Variants in RHOJ observed in about 807,000 individuals in gnomAD.
RHOJ encodes the protein rho-related GTP-binding protein RhoJ.
A neutral mutation model predicts 23.4 loss-of-function variants in RHOJ; 11 were observed. That is an observed-to-expected ratio of 0.47 (90% CI 0.30 to 0.78). The LOEUF (loss-of-function observed/expected upper bound fraction) is 0.78, where lower values mean the gene tolerates loss of function less well. Ranked by LOEUF, RHOJ falls within the 30% of genes least tolerant of loss-of-function variation. The pLI is 0.08. For synonymous variants in RHOJ, 102 were observed against 102.7 expected, an observed-to-expected ratio of 0.99 and a Z score of 0.04; for missense variants, 254 against 273.4, an observed-to-expected ratio of 0.93 and a Z score of 0.50.
chr14:63,236,985 T>C (rs910440137), intron 1 of RHOJ, among the ~76,000 whole-genome samples: 7 of 152,210 alleles, frequency 4.6e-5, no homozygotes, highest in African/African-American at 1.7e-4. Context: ...ATAGTTGTTA[T>C]ACTGTATTGT....
At chr14:63,242,871 T>C (rs2139632923) in intron 1 of RHOJ, among the ~76,000 whole-genome samples, 1 of 152,320 alleles carries the variant, frequency 6.6e-6, no homozygotes, top group South Asian at 2.1e-4. Context: ...TTTTTTGCTA[T>C]GTGCAGTATT....
rs531741952 is a variant in RHOJ at position 63,250,844 on chromosome 14, G to A, written c.179-18266G>A. 1.2e-4 allele frequency among the ~76,000 whole-genome samples: 18 copies of A among 152,094 alleles called. No homozygotes were observed. The South Asian group carries it at 3.3e-3, about 28-fold the overall frequency. The stretch of plus-strand genomic sequence containing the variant: ...AGGTCAGGAGTTCCAGATCAGCCTC[G>A]CCAATATGGAGAAACCCCATCTCTA... On this transcript the variant is annotated intron_variant, in intron 1 of 4. Coordinates refer to ENST00000316754, the MANE Select transcript of RHOJ (RefSeq NM_020663.5).
At chr14:63,219,978 T>A (rs550064034) in intron 1 of RHOJ, among the ~76,000 whole-genome samples, 2 of 152,290 alleles carry the variant, frequency 1.3e-5, no homozygotes, top group African/African-American at 4.8e-5. Context: ...ACTATTTAAA[T>A]TTCATCTTTT....
At chr14:63,234,980 T>G (rs1043418140) in intron 1 of RHOJ, among the ~76,000 whole-genome samples, 1 of 152,164 alleles carries the variant, frequency 6.6e-6, no homozygotes, top group African/African-American at 2.4e-5. Flanking sequence ...TCAGAAACAT[T>G]GTGATCCCAA....
chr14:63,242,142 C>A (rs901392763), intron 1 of RHOJ, among the ~76,000 whole-genome samples: 3 of 152,074 alleles, frequency 2.0e-5, no homozygotes, highest in Non-Finnish European at 4.4e-5. Flanking sequence ...TCTGGAATAG[C>A]CTAAGTGTAG....
chr14:63,218,167 A>G (rs904478925), intron 1 of RHOJ, among the ~76,000 whole-genome samples: 1 of 152,172 alleles, frequency 6.6e-6, no homozygotes, highest in African/African-American at 2.4e-5. Flanking sequence ...ATTTCTTTAG[A>G]TCTAAGAATT....
chr14:63,275,973 C>T (rs973710147), intron 2 of RHOJ, among the ~76,000 whole-genome samples: 1 of 152,160 alleles, frequency 6.6e-6, no homozygotes, highest in Non-Finnish European at 1.5e-5. Context: ...ATAGCTGTAG[C>T]CCAGGGTTAG....
chr14:63,215,864 G>C (rs1202509114), intron 1 of RHOJ, among the ~76,000 whole-genome samples: 1 of 152,038 alleles, frequency 6.6e-6, no homozygotes, highest in Non-Finnish European at 1.5e-5. Flanking sequence ...TCCATACCTG[G>C]GAATGAGCCT....
intron 1 of RHOJ, among the ~76,000 whole-genome samples, chr14:63,260,333 C>T (rs769726584): frequency 1.3e-4 from 20 of 152,158 alleles, no homozygotes; most frequent in Non-Finnish European, 2.2e-4. Context: ...CTGCAGCAGA[C>T]CTATTTATCA....
At chr14:63,281,158 G>C in intron 3 of RHOJ, 23 bp downstream of exon 3, 6 of 1,581,740 alleles carry the variant, frequency 3.8e-6, no homozygotes, top group Non-Finnish European at 5.1e-6. Context: ...GCGATGGCAG[G>C]GTGGAGCGGG....
At chr14:63,218,923 T>C (rs1894423666) in intron 1 of RHOJ, among the ~76,000 whole-genome samples, 1 of 152,200 alleles carries the variant, frequency 6.6e-6, no homozygotes, top group Non-Finnish European at 1.5e-5. Context: ...TTTCCAAGAC[T>C]CTAACTGATG....
intron 4 of RHOJ, chr14:63,288,286 G>A: frequency 2.0e-6 from 2 of 985,414 alleles, no homozygotes; most frequent in Non-Finnish European, 2.4e-6. Context: ...CAGGAGGATG[G>A]GGAGTGCCCT....
At chr14:63,277,179 T>C (rs558137213) in intron 2 of RHOJ, among the ~76,000 whole-genome samples, 18 of 152,338 alleles carry the variant, frequency 1.2e-4, no homozygotes, top group African/African-American at 3.8e-4. Flanking sequence ...CTCTGTAACA[T>C]TGGCCCATCA....
At chr14:63,242,872 G>C (rs1894908790) in intron 1 of RHOJ, among the ~76,000 whole-genome samples, 1 of 152,146 alleles carries the variant, frequency 6.6e-6, no homozygotes, top group South Asian at 2.1e-4. Flanking sequence ...TTTTTGCTAT[G>C]TGCAGTATTT....
intron 1 of RHOJ, among the ~76,000 whole-genome samples, chr14:63,213,446 G>T (rs539186573): frequency 6.6e-6 from 1 of 152,142 alleles, no homozygotes; most frequent in Non-Finnish European, 1.5e-5. Context: ...CTGCATCCAT[G>T]TTGCTGCAAA....
At chr14:63,219,938 A>G (rs1234013587) in intron 1 of RHOJ, among the ~76,000 whole-genome samples, 6 of 152,224 alleles carry the variant, frequency 3.9e-5, no homozygotes, top group Admixed American at 3.9e-4. Context: ...CTTAACGAGC[A>G]GCTCCTGATA....
At position 63,218,106 on chromosome 14, in the gene RHOJ, T is replaced by C. The variant is rs150585533; in HGVS notation, c.178+13059T>C. The stretch of plus-strand genomic sequence containing the variant: ...ATTTTAATAAATCTCCATTCAATTA[T>C]CCCAGGTTTATCTACATTATAATAT... On this transcript the variant is annotated intron_variant, in intron 1 of 4. Transcript: ENST00000316754. Among the ~76,000 whole-genome samples, 41 of 152,326 alleles carry C rather than the reference T, an allele frequency of 2.7e-4. No individual in the cohort carries two copies. The East Asian group carries it at 7.7e-3, about 29-fold the overall frequency.
At chr14:63,289,648 C>G (rs1212555166) in intron 4 of RHOJ, among the ~76,000 whole-genome samples, 13 of 152,178 alleles carry the variant, frequency 8.5e-5, no homozygotes, top group Non-Finnish European at 1.5e-5. Flanking sequence ...AAGCTGACTG[C>G]TAAATATGGT....
chr14:63,204,872 G>GAA lies in RHOJ; in HGVS notation c.4_5dup (p.Asn2LysfsTer22). ...CCCCAGCAGCTGGAGCCGCAAGAAT[G>GAA]AACTGCAAAGAGGGAACTGACAGCA... On this transcript the variant is annotated frameshift_variant, in exon 1 of 5. Transcript: ENST00000316754. LOFTEE classifies it high-confidence loss of function. The GAA allele has an allele frequency of 6.2e-7, 1 of 1,612,502 alleles. No individual in the cohort carries two copies.
Sources: gnomAD v4.1 joint callset for allele counts (sites outside exome capture counted in the v4.1 genomes callset) on GRCh38, gnomAD v4.1.1 for gene constraint, MANE v1.5 for transcripts, NCBI Gene and HGNC (gene_info 2026-07-23, HGNC 2026-07-21) for gene names.